Variants in ADAMTSL1 observed in about 807,000 individuals in gnomAD.
The protein encoded by ADAMTSL1 is ADAMTS like 1.
Under a neutral mutation model 201.8 loss-of-function variants are expected in ADAMTSL1, and 126 were observed. The observed-to-expected ratio is 0.62, with a 90% CI of 0.54 to 0.72. The LOEUF (loss-of-function observed/expected upper bound fraction) is 0.72, where lower values mean the gene tolerates loss of function less well. ADAMTSL1 is among the 30% of genes least tolerant of loss of function. The pLI, the probability that ADAMTSL1 is intolerant of heterozygous loss-of-function variation, is 0.00. For synonymous variants in ADAMTSL1, 1,121 were observed against 903.4 expected (o/e 1.24, Z -4.32); for missense variants, 2,679 against 2,277.8 (o/e 1.18, Z -3.59).
intron 4 of ADAMTSL1, among the ~76,000 whole-genome samples, chr9:18,618,584 A>C (rs1052010943): frequency 3.5e-5 from 5 of 143,098 alleles, no homozygotes; most frequent in East Asian, 2.0e-4. Context: ...TTCTCTCACA[A>C]AAAAAAAAAA....
At chr9:18,368,068 T>C (rs1451599398) in intron 2 of ADAMTSL1, among the ~76,000 whole-genome samples, 1 of 139,306 alleles carries the variant, frequency 7.2e-6, no homozygotes, top group Non-Finnish European at 1.5e-5. Context: ...CCAGGCTAAT[T>C]TTTTTTTTTT....
intron 19 of ADAMTSL1, among the ~76,000 whole-genome samples, chr9:18,786,424 T>A (rs956099151): frequency 6.6e-6 from 1 of 152,242 alleles, no homozygotes; most frequent in Non-Finnish European, 1.5e-5. Flanking sequence ...TTCTGCCACT[T>A]AGTATTGTGA....
At chr9:18,804,867 G>T (rs902250702) in intron 20 of ADAMTSL1, among the ~76,000 whole-genome samples, 1 of 152,070 alleles carries the variant, frequency 6.6e-6, no homozygotes, top group Admixed American at 6.6e-5. Flanking sequence ...CTCTTTGTAA[G>T]GTATTGTTCA....
At chr9:18,706,528 G>C in intron 13 of ADAMTSL1, 1 of 518,916 alleles carries the variant, frequency 1.9e-6, no homozygotes, top group Non-Finnish European at 3.4e-6. Context: ...TTGCAGCTGG[G>C]AGTTCATGTG....
intron 1 of ADAMTSL1, among the ~76,000 whole-genome samples, chr9:17,946,823 T>C (rs1827506885): frequency 6.6e-6 from 1 of 152,188 alleles, no homozygotes; most frequent in Non-Finnish European, 1.5e-5. Context: ...TGCAATTTGC[T>C]AAAAGCTTTG....
At chr9:18,274,875 G>T (rs1279005462) in intron 2 of ADAMTSL1, among the ~76,000 whole-genome samples, 1 of 152,152 alleles carries the variant, frequency 6.6e-6, no homozygotes, top group African/African-American at 2.4e-5. Context: ...TTGGAATTTG[G>T]CCAATAAAAG....
intron 1 of ADAMTSL1, among the ~76,000 whole-genome samples, chr9:18,011,088 AT>A (rs1820033259): frequency 6.6e-6 from 1 of 152,046 alleles, no homozygotes; most frequent in Admixed American, 6.6e-5. Context: ...ACGTGTAAGA[AT>A]AAGAAAACCT....
rs565329300 is a variant in ADAMTSL1, at chr9:18,312,862, A to T, written c.207+148881A>T. On this transcript the variant is annotated intron_variant, in intron 2 of 29. Transcript: ENST00000680146. ...GGAAAGAGTGTTTTTAATGATATTT[A>T]TATGAATGATGTGCTGCTTCTGGCC... 7.2e-5 allele frequency among the ~76,000 whole-genome samples: 11 copies of T among 152,172 alleles called. No homozygotes were observed. In the South Asian group the frequency reaches 2.3e-3, roughly 32 times the overall value.
At chr9:18,095,129 G>A (rs533124188) in intron 1 of ADAMTSL1, among the ~76,000 whole-genome samples, 37 of 152,114 alleles carry the variant, frequency 2.4e-4, no homozygotes, top group Middle Eastern at 3.4e-3. Context: ...ATTATTAGAC[G>A]CCACCTGAGA....
At chr9:18,767,607 T>C (rs1296233012) in intron 16 of ADAMTSL1, among the ~76,000 whole-genome samples, 1 of 152,244 alleles carries the variant, frequency 6.6e-6, no homozygotes, top group East Asian at 1.9e-4. Context: ...AATGGAATTC[T>C]TAGCCACTAA....
intron 2 of ADAMTSL1, among the ~76,000 whole-genome samples, chr9:18,282,642 A>C (rs1478913660): frequency 2.0e-5 from 3 of 152,342 alleles, no homozygotes; most frequent in African/African-American, 7.2e-5. Context: ...TCACGCCTGT[A>C]ATCCTAGCAC....
chr9:18,328,471 C>T lies in ADAMTSL1; in HGVS notation c.207+164490C>T, dbSNP rs866657565. On this transcript the variant is annotated intron_variant, in intron 2 of 29. Coordinates refer to the ADAMTSL1 transcript ENST00000680146. ...ATTTCAAGTATTTTCCATGTATTAA[C>T]TCACTTAGCCCTCCTAATAACGTCA... Among the ~76,000 whole-genome samples the T allele has an allele frequency of 2.3e-4, 35 of 152,192 alleles. 2 individuals are homozygous for T. The highest frequency in any genetic ancestry group is 8.0e-4 in the African/African-American group (33 of 41,430).
chr9:18,708,853 T>C (rs147327135), intron 14 of ADAMTSL1, among the ~76,000 whole-genome samples: 1 of 152,358 alleles, frequency 6.6e-6, no homozygotes, highest in African/African-American at 2.4e-5. Flanking sequence ...GATACCTTTT[T>C]CTTTAAGAGT....
intron 2 of ADAMTSL1, among the ~76,000 whole-genome samples, chr9:18,386,268 G>T (rs1837786235): frequency 6.6e-6 from 1 of 152,052 alleles, no homozygotes; most frequent in Non-Finnish European, 1.5e-5. Flanking sequence ...AAAATAAAGG[G>T]CAACAAAACG....
chr9:18,408,035 A>G (rs547001880), intron 2 of ADAMTSL1, among the ~76,000 whole-genome samples: 24 of 152,354 alleles, frequency 1.6e-4, no homozygotes, highest in South Asian at 6.2e-4. Context: ...TTGAGTCACT[A>G]TGAAGTACAT....
At chr9:18,273,802 C>T (rs1587444519) in intron 2 of ADAMTSL1, among the ~76,000 whole-genome samples, 2 of 152,180 alleles carry the variant, frequency 1.3e-5, no homozygotes, top group East Asian at 1.9e-4. Context: ...GTGAAGGCTC[C>T]ATATCTTATT....
rs1037285608 is a variant in ADAMTSL1 at position 18,332,195 on chromosome 9, C to T, written c.207+168214C>T. ...ACACTCCTCACTGTACTTTTATACT[C>T]TTCATTGGATCTTGTCCAGACCATG... On this transcript the variant is annotated intron_variant, in intron 2 of 29. Coordinates refer to the ADAMTSL1 transcript ENST00000680146. 4.6e-5 allele frequency among the ~76,000 whole-genome samples: 7 copies of T among 152,154 alleles called. No homozygotes were observed. The East Asian group carries it at 7.7e-4, about 17-fold the overall frequency.
chr9:18,643,078 T>A (rs544081361), intron 7 of ADAMTSL1, among the ~76,000 whole-genome samples: 12 of 152,044 alleles, frequency 7.9e-5, no homozygotes, highest in Admixed American at 3.9e-4. Context: ...TTTCTCTACA[T>A]CCGTGCCAAT....
chr9:18,116,242 A>G (rs1357191536), intron 1 of ADAMTSL1, among the ~76,000 whole-genome samples: 1 of 152,206 alleles, frequency 6.6e-6, no homozygotes, highest in Non-Finnish European at 1.5e-5. Context: ...GTAGTAGTCC[A>G]TTAATTGCAG....
Sources: allele counts gnomAD v4.1 joint callset (sites outside exome capture counted in the v4.1 genomes callset), GRCh38; gene constraint gnomAD v4.1.1; transcripts MANE v1.5; gene names NCBI Gene and HGNC (gene_info 2026-07-23, HGNC 2026-07-21).